LHCGR: variants seen among roughly 807,000 people sequenced by gnomAD.
LHCGR encodes the protein lutropin-choriogonadotropic hormone receptor.
Under a neutral mutation model 60.7 loss-of-function variants are expected in LHCGR, and 55 were observed. The ratio of observed to expected loss-of-function variants is 0.91; its 90% confidence interval spans 0.73 to 1.13. LHCGR has a LOEUF of 1.13. LHCGR is among the 50% of genes most tolerant of loss of function. The pLI is 0.00. For synonymous variants in LHCGR, 337 were observed against 316.5 expected (o/e 1.06, Z -0.69); for missense variants, 862 against 836.0 (o/e 1.03, Z -0.38).
intron 9 of LHCGR, among the ~76,000 whole-genome samples, chr2:48,696,801 TA>T (rs1558815860): frequency 6.8e-6 from 1 of 146,968 alleles, no homozygotes; most frequent in African/African-American, 2.4e-5. Context: ...CCTACTGGAA[TA>T]AAAATCCCTG....
At chr2:48,705,570 G>A (rs778213847) in intron 8 of LHCGR, among the ~76,000 whole-genome samples, 1 of 152,164 alleles carries the variant, frequency 6.6e-6, no homozygotes, top group Non-Finnish European at 1.5e-5. Context: ...GAATCTGGAT[G>A]CTCCTGTGTT....
chr2:48,712,458 G>T (rs1478311437), intron 7 of LHCGR, among the ~76,000 whole-genome samples: 1 of 152,116 alleles, frequency 6.6e-6, no homozygotes, highest in African/African-American at 2.4e-5. Context: ...ATTTAAGTTT[G>T]TCAGAAATCG....
chr2:48,741,720 C>T (rs1379054240), intron 1 of LHCGR, among the ~76,000 whole-genome samples: 4 of 151,428 alleles, frequency 2.6e-5, no homozygotes. Context: ...ACAACCGGTA[C>T]CAGCCGCTGC....
intron 1 of LHCGR, among the ~76,000 whole-genome samples, chr2:48,741,759 G>A (rs1488978372): frequency 2.0e-5 from 3 of 151,384 alleles, no homozygotes; most frequent in African/African-American, 4.9e-5. Context: ...AAAGACCATC[G>A]AGACTAGGAA....
intron 1 of LHCGR, among the ~76,000 whole-genome samples, chr2:48,738,282 T>C (rs1214584275): frequency 6.6e-6 from 1 of 152,186 alleles, no homozygotes; most frequent in Non-Finnish European, 1.5e-5. Flanking sequence ...GCGTGAACAT[T>C]TCCTCTGTTC....
At chr2:48,750,218 G>T (rs1197306518) in intron 1 of LHCGR, among the ~76,000 whole-genome samples, 1 of 152,148 alleles carries the variant, frequency 6.6e-6, no homozygotes, top group African/African-American at 2.4e-5. Flanking sequence ...CTTTCTGTCT[G>T]TGGATTCTTT....
rs1310930620 is a variant in LHCGR, at chr2:48,688,043, A to C, written c.1754T>G (p.Ile585Ser). The C allele has an allele frequency of 3.1e-6, 5 of 1,614,122 alleles. No homozygotes were observed. The highest frequency in any genetic ancestry group is 3.3e-5 in the Admixed American group (2 of 60,024). The change falls in exon 11 of 11, where the codon ATC becomes AGC. Residue 585 changes from isoleucine (I) to serine (S), a missense_variant. By Grantham distance (142) the Ile-to-Ser change is moderately radical. Coordinates refer to ENST00000294954, the MANE Select transcript of LHCGR (RefSeq NM_000233.4). This position sits in a 1 kb window ranked among gnomAD's most constrained non-coding sequence, Gnocchi z 5.2. Reference protein sequence around the residue: ...IFTDFTCMAPISFFAISAAFK... With the variant: ...IFTDFTCMAPSSFFAISAAFK... ...GGCAGCTGAGATGGCAAAAAAAGAG[A>C]TAGGTGCCATGCAGGTGAAATCGGT... is the stretch of plus-strand genomic sequence containing the variant.
chr2:48,755,486 C>T (rs1670165489), intron 1 of LHCGR, 25 bp downstream of exon 1: 2 of 1,473,894 alleles, frequency 1.4e-6, no homozygotes, highest in Non-Finnish European at 9.2e-7. Context: ...TCAAGGGCGC[C>T]GCGACGGGAG....
intron 10 of LHCGR, among the ~76,000 whole-genome samples, chr2:48,692,115 C>G (rs1348363491): frequency 1.3e-5 from 2 of 152,114 alleles, no homozygotes. Flanking sequence ...GGCTTTACCC[C>G]AAACCCTGAA....
At chr2:48,748,031 A>G (rs1431830390) in intron 1 of LHCGR, among the ~76,000 whole-genome samples, 3 of 152,134 alleles carry the variant, frequency 2.0e-5, no homozygotes, top group African/African-American at 7.2e-5. Context: ...ATGAGCCTTA[A>G]AACACTCAGA....
intron 8 of LHCGR, among the ~76,000 whole-genome samples, chr2:48,700,698 C>T (rs902046299): frequency 6.6e-6 from 1 of 152,120 alleles, no homozygotes; most frequent in African/African-American, 2.4e-5. Context: ...TTACAAGATT[C>T]GGAGTCTGGT....
At chr2:48,751,429 C>G (rs1048486748) in intron 1 of LHCGR, among the ~76,000 whole-genome samples, 2 of 152,212 alleles carry the variant, frequency 1.3e-5, no homozygotes, top group African/African-American at 4.8e-5. Flanking sequence ...CAGGACCCCT[C>G]TTTCCTTCTT....
At chr2:48,708,750 A>G in intron 8 of LHCGR, 198 bp downstream of exon 8, 1 of 620,814 alleles carries the variant, frequency 1.6e-6, no homozygotes, top group East Asian at 2.7e-5. Context: ...ATAAGACAAA[A>G]TTTCTGTTGT....
chr2:48,714,118 T>G (rs1015859586), intron 6 of LHCGR, 64 bp from the exon 7 acceptor site: 1 of 1,150,814 alleles, frequency 8.7e-7, no homozygotes, highest in Non-Finnish European at 1.3e-6. Context: ...TGGAAACACA[T>G]TTTTCCTCCT....
intron 10 of LHCGR, among the ~76,000 whole-genome samples, chr2:48,693,691 T>C (rs1666972839): frequency 1.3e-5 from 2 of 152,228 alleles, no homozygotes; most frequent in Admixed American, 1.3e-4. Context: ...CCAGCATTTA[T>C]AGCAGAAAAG....
At chr2:48,693,555 T>C (rs549677273) in intron 10 of LHCGR, among the ~76,000 whole-genome samples, 20 of 152,218 alleles carry the variant, frequency 1.3e-4, no homozygotes, top group Non-Finnish European at 2.6e-4. Flanking sequence ...TCTAGTTTTG[T>C]AGTCTGGAGG....
intron 4 of LHCGR, among the ~76,000 whole-genome samples, chr2:48,725,081 G>C (rs543815069): frequency 6.6e-6 from 1 of 152,246 alleles, no homozygotes; most frequent in Non-Finnish European, 1.5e-5. Context: ...AGGAATTTTG[G>C]TATTGCTGAC....
chr2:48,717,833 C>CTTTTT (rs10711529), intron 6 of LHCGR, among the ~76,000 whole-genome samples: 318 of 68,966 alleles, frequency 4.6e-3, no homozygotes, highest in Non-Finnish European at 6.4e-3. Flanking sequence ...TTTTCCATGT[C>CTTTTT]TTTTTTTTTT....
At chr2:48,694,793 C>T (rs957582013) in intron 9 of LHCGR, among the ~76,000 whole-genome samples, 1 of 152,012 alleles carries the variant, frequency 6.6e-6, no homozygotes, top group African/African-American at 2.4e-5. Context: ...CAGAAACATA[C>T]GTGGGTGCTC....
Sources: gnomAD v4.1 joint callset for allele counts (sites outside exome capture counted in the v4.1 genomes callset) on GRCh38, gnomAD v4.1.1 for gene constraint, Gnocchi (gnomAD v3.1) non-coding constraint, MANE v1.5 for transcripts, NCBI Gene and HGNC (gene_info 2026-07-23, HGNC 2026-07-21) for gene names.